The following PRKN variants were observed in gnomAD, a reference collection of about 807,000 sequenced individuals.
PRKN encodes E3 ubiquitin-protein ligase parkin.
In PRKN, 56 loss-of-function variants were observed where a neutral mutation model predicts 59.5. The observed-to-expected ratio is 0.94, with a 90% CI of 0.76 to 1.18. The LOEUF (loss-of-function observed/expected upper bound fraction) is 1.18. Among genes scored for constraint, PRKN ranks in the 50% most tolerant of loss-of-function variants. PRKN has a pLI of 0.00. For synonymous variants in PRKN, 250 were observed against 222.1 expected (o/e 1.13, Z -1.12); for missense variants, 657 against 596.4 (o/e 1.10, Z -1.06).
Position 161,670,102 on chromosome 6 carries a change from CT to C in PRKN, c.872-100687del, listed in dbSNP as rs557222081. ...TTTCACAATTTTGACCTCATAACTTCTTTTCTGTTTTGAAGCCCTGGGTGTT... is the reference window on the plus strand; with the variant it reads ...TTTCACAATTTTGACCTCATAACTTCTTTCTGTTTTGAAGCCCTGGGTGTT... On this transcript the variant is annotated intron_variant, in intron 7 of 11. Transcript: ENST00000366898. Among the ~76,000 whole-genome samples the C allele has an allele frequency of 3.0e-4, 45 of 152,248 alleles. No homozygotes were observed. The South Asian group carries it at 5.6e-3, about 19-fold the overall frequency.
rs561884013 is a variant in PRKN at position 161,502,165 on chromosome 6, T to C, written c.1083+46689A>G. Among the ~76,000 whole-genome samples the C allele has an allele frequency of 1.3e-5, 2 of 152,316 alleles. No individual in the cohort carries two copies. Among genetic ancestry groups the C allele is most frequent in the Admixed American group, 6.5e-5 (1 of 15,300 alleles). ...TCCTGATCATCATTGTTGCTAATCATGTCCATTTTGGGCCATGCACTGCAC... is the reference window on the plus strand; with the variant it reads ...TCCTGATCATCATTGTTGCTAATCACGTCCATTTTGGGCCATGCACTGCAC... On this transcript the variant is annotated intron_variant, in intron 9 of 11. Coordinates refer to ENST00000366898, the MANE Select transcript of PRKN (RefSeq NM_004562.3). This position sits in a 1 kb window ranked among gnomAD's most constrained non-coding sequence, Gnocchi z 4.0.
intron 4 of PRKN, among the ~76,000 whole-genome samples, chr6:162,089,824 A>T (rs571164867): frequency 6.6e-6 from 1 of 152,282 alleles, no homozygotes; most frequent in African/African-American, 2.4e-5. Flanking sequence ...TAAATCTCCC[A>T]ATTAGGCAAA....
rs897404666 is a variant in PRKN, at chr6:161,378,865, G to C, written c.1167+7929C>G. On this transcript the variant is annotated intron_variant, in intron 10 of 11. Coordinates refer to ENST00000366898, the MANE Select transcript of PRKN (RefSeq NM_004562.3). This position sits in a 1 kb window ranked among gnomAD's most constrained non-coding sequence, Gnocchi z 7.3. ...GTTCAGGAATCAAGGGGTGGAAGTA[G>C]GGACGGCCCCACTTCTCACTCCCAG... 6.6e-6 allele frequency among the ~76,000 whole-genome samples: 1 copy of C among 152,196 alleles called. No homozygotes were observed. The highest frequency in any genetic ancestry group is 6.5e-5 in the Admixed American group (1 of 15,284).
intron 7 of PRKN, among the ~76,000 whole-genome samples, chr6:161,667,485 C>G (rs116055243): frequency 6.6e-6 from 1 of 152,190 alleles, no homozygotes; most frequent in African/African-American, 2.4e-5. Context: ...CACCCCTTCA[C>G]GCAGAGTTTA....
chr6:162,033,549 T>A (rs1441130844), intron 5 of PRKN, among the ~76,000 whole-genome samples: 1 of 152,168 alleles, frequency 6.6e-6, no homozygotes, highest in South Asian at 2.1e-4. Flanking sequence ...ATTTTAAAGA[T>A]CATCTAGCCC....
chr6:162,394,951 G>A (rs535491635), intron 2 of PRKN, among the ~76,000 whole-genome samples: 130 of 152,314 alleles, frequency 8.5e-4, no homozygotes, highest in African/African-American at 2.5e-3. Context: ...ATATTTGAAT[G>A]AAAGCCAGGG....
intron 6 of PRKN, among the ~76,000 whole-genome samples, chr6:161,830,955 C>T (rs1419495646): frequency 6.6e-6 from 1 of 152,168 alleles, no homozygotes; most frequent in Admixed American, 6.5e-5. Context: ...TCCCCAACCA[C>T]AGCAAGGGAC....
intron 9 of PRKN, among the ~76,000 whole-genome samples, chr6:161,403,092 G>C (rs1166632970): frequency 6.6e-6 from 1 of 152,140 alleles, no homozygotes. Context: ...CTCCTGCAAA[G>C]CTGAATAACA....
chr6:161,558,093 C>T (rs1780308530), intron 8 of PRKN, among the ~76,000 whole-genome samples: 2 of 152,184 alleles, frequency 1.3e-5, no homozygotes, highest in Admixed American at 1.3e-4. Flanking sequence ...TCGGTTAATT[C>T]TCTGTCCACT....
chr6:162,224,888 T>C (rs1427220143), intron 3 of PRKN, among the ~76,000 whole-genome samples: 5 of 152,182 alleles, frequency 3.3e-5, no homozygotes, highest in Non-Finnish European at 7.4e-5. Flanking sequence ...GATCAAATTT[T>C]ATAAAAAACC....
chr6:162,431,561 A>T (rs536720017), intron 2 of PRKN, among the ~76,000 whole-genome samples: 1 of 152,128 alleles, frequency 6.6e-6, no homozygotes, highest in Non-Finnish European at 1.5e-5. Flanking sequence ...CTGTCTCAAA[A>T]AAAACAAAAC....
intron 2 of PRKN, among the ~76,000 whole-genome samples, chr6:162,359,543 G>A (rs1261943625): frequency 6.6e-6 from 1 of 151,308 alleles, no homozygotes; most frequent in African/African-American, 2.4e-5. Context: ...AAAACCATGA[G>A]TTAAGTATTC....
At chr6:161,824,375 C>G (rs998083692) in intron 6 of PRKN, among the ~76,000 whole-genome samples, 1 of 152,170 alleles carries the variant, frequency 6.6e-6, no homozygotes, top group African/African-American at 2.4e-5. Context: ...TTGATAAGGC[C>G]TTGTGCATAA....
At position 161,460,993 on chromosome 6, in the gene PRKN, A is replaced by G. The variant is rs1180880409; in HGVS notation, c.1084-74116T>C. ...AGGATGGTCTTGATCACCTGACCTC[A>G]TGATCTGCCTGCCTTGGCTTCCCAA... On this transcript the variant is annotated intron_variant, in intron 9 of 11. Coordinates refer to ENST00000366898, the MANE Select transcript of PRKN (RefSeq NM_004562.3). This position sits in a 1 kb window ranked among gnomAD's most constrained non-coding sequence, Gnocchi z 5.0. 6.6e-6 allele frequency among the ~76,000 whole-genome samples: 1 copy of G among 151,518 alleles called. No individual in the cohort carries two copies. The highest frequency in any genetic ancestry group is 2.4e-5 in the African/African-American group (1 of 41,176).
chr6:162,395,587 A>G (rs1014736491), intron 2 of PRKN, among the ~76,000 whole-genome samples: 5 of 152,200 alleles, frequency 3.3e-5, no homozygotes, highest in African/African-American at 1.2e-4. Flanking sequence ...CAAACCATGA[A>G]AGATAATGCA....
intron 1 of PRKN, among the ~76,000 whole-genome samples, chr6:162,501,512 TA>T (rs199789900): frequency 5.2e-4 from 63 of 120,992 alleles, no homozygotes; most frequent in African/African-American, 1.9e-3. Context: ...CACGCCTGGT[TA>T]ATTTTTTTTT....
At chr6:161,492,056 A>T (rs1214819029) in intron 9 of PRKN, among the ~76,000 whole-genome samples, 1 of 152,248 alleles carries the variant, frequency 6.6e-6, no homozygotes, top group South Asian at 2.1e-4. Flanking sequence ...AAGAACTGCC[A>T]TCAAGTAAAT....
In PRKN at chr6:161,391,073, T is replaced by G. The variant is rs1786483783; in HGVS notation, c.1084-4196A>C. The stretch of plus-strand genomic sequence containing the variant: ...AGTGTTCGGGCCAGTTTGCAAACAC[T>G]TCCCATGGCATAGCTGTTTCTAGAG... On this transcript the variant is annotated intron_variant, in intron 9 of 11. Transcript: ENST00000366898. This position sits in a 1 kb window ranked among gnomAD's most constrained non-coding sequence, Gnocchi z 4.9. Among the ~76,000 whole-genome samples, 1 of 152,082 alleles carries G rather than the reference T, an allele frequency of 6.6e-6. No individual in the cohort carries two copies. The highest frequency in any genetic ancestry group is 1.5e-5 in the Non-Finnish European group (1 of 68,022).
At chr6:162,207,369 C>A (rs1001004814) in intron 3 of PRKN, among the ~76,000 whole-genome samples, 8 of 151,964 alleles carry the variant, frequency 5.3e-5, no homozygotes, top group African/African-American at 1.7e-4. Flanking sequence ...GAGACTCTGT[C>A]CCCCCAACCA....
Sources: gnomAD v4.1 joint callset for allele counts (sites outside exome capture counted in the v4.1 genomes callset) on GRCh38, gnomAD v4.1.1 for gene constraint, Gnocchi (gnomAD v3.1) non-coding constraint, MANE v1.5 for transcripts, NCBI Gene and HGNC (gene_info 2026-07-23, HGNC 2026-07-21) for gene names.